Variants in ZNF536 observed in about 807,000 individuals in gnomAD.
The protein encoded by ZNF536 is zinc finger protein 536.
In ZNF536, 13 loss-of-function variants were observed where a neutral mutation model predicts 84.5. That is an observed-to-expected ratio of 0.15 (90% confidence interval 0.10 to 0.24). The LOEUF is 0.24. Ranked by LOEUF, ZNF536 falls within the 10% of genes least tolerant of loss-of-function variation. The pLI, the probability that ZNF536 is intolerant of heterozygous loss-of-function variation, is 1.00. For missense variants in ZNF536, 1,536 were observed against 1,747.5 expected (o/e 0.88, Z 2.16); for synonymous variants, 811 against 742.5 (o/e 1.09, Z -1.50).
intron 1 of ZNF536, among the ~76,000 whole-genome samples, chr19:30,280,102 A>G (rs2045384984): frequency 1.3e-5 from 2 of 151,934 alleles, no homozygotes; most frequent in African/African-American, 4.8e-5. Flanking sequence ...CTTTCCTCCC[A>G]ACCATCCGCC....
At chr19:30,599,487 C>T (rs145657842) in intron 1 of ZNF536, among the ~76,000 whole-genome samples, 394 of 15,456 alleles carry the variant, frequency 0.025, 5 homozygotes, top group African/African-American at 0.067. Flanking sequence ...TCCTTCCCTC[C>T]TTCCTTCCTT....
intron 2 of ZNF536, among the ~76,000 whole-genome samples, chr19:30,450,978 C>A (rs893812327): frequency 6.6e-6 from 1 of 152,244 alleles, no homozygotes; most frequent in Non-Finnish European, 1.5e-5. Flanking sequence ...CGGTCTCTGC[C>A]GTGGAAGCGT....
intron 2 of ZNF536, among the ~76,000 whole-genome samples, chr19:30,465,139 C>A (rs895642772): frequency 6.6e-6 from 1 of 152,158 alleles, no homozygotes; most frequent in African/African-American, 2.4e-5. Flanking sequence ...ACCTCCCACT[C>A]TCCCTGGTCT....
At chr19:30,529,600 A>G (rs1190792107) in intron 2 of ZNF536, among the ~76,000 whole-genome samples, 1 of 152,246 alleles carries the variant, frequency 6.6e-6, no homozygotes, top group Non-Finnish European at 1.5e-5. Flanking sequence ...TCGGAGGATA[A>G]GAACAAGCGA....
At chr19:30,254,657 A>G (rs1019098416) in intron 1 of ZNF536, among the ~76,000 whole-genome samples, 1 of 151,274 alleles carries the variant, frequency 6.6e-6, no homozygotes, top group African/African-American at 2.4e-5. Flanking sequence ...AAAATGTGAC[A>G]TTTGTTTTAG....
chr19:30,592,009 C>A (rs1161192632), intron 1 of ZNF536, among the ~76,000 whole-genome samples: 6 of 152,162 alleles, frequency 3.9e-5, no homozygotes, highest in Admixed American at 3.3e-4. Context: ...TTGCAACTAA[C>A]CTGCCTTGTT....
chr19:30,382,364 G>A (rs2049054320), intron 1 of ZNF536, among the ~76,000 whole-genome samples: 1 of 152,128 alleles, frequency 6.6e-6, no homozygotes. Context: ...TGCCTCCCGT[G>A]CTTTTTCTCC....
Position 30,383,720 on chromosome 19 carries a change from TTTCTTTC to T in ZNF536, c.-3+11167_-3+11173del. 5.3e-5 allele frequency among the ~76,000 whole-genome samples: 2 copies of T among 37,404 alleles called. 1 individual carries two copies. Among genetic ancestry groups the T allele is most frequent in the South Asian group, 2.0e-3 (2 of 990 alleles). 24.5% of individuals were successfully genotyped at this position (37,404 alleles called of 152,430 possible). A position where few individuals can be genotyped will look rare whatever the true frequency, so the allele number is the denominator to read the frequency against. On this transcript the variant is annotated intron_variant, in intron 1 of 4. Coordinates refer to ENST00000355537, the MANE Select transcript of ZNF536 (RefSeq NM_014717.3). Reference sequence around the variant, plus strand: ...TTCTTTCTCTTTCTTTCTTTCTTTCTTTCTTTCTTTCTTTCTTTCTTTCTCTTTCTTT... The same window carrying T: ...TTCTTTCTCTTTCTTTCTTTCTTTCTTTTCTTTCTTTCTTTCTCTTTCTTT...
upstream of ZNF536, among the ~76,000 whole-genome samples, chr19:30,368,284 T>C (rs2048502929): frequency 6.6e-6 from 1 of 152,236 alleles, no homozygotes; most frequent in Non-Finnish European, 1.5e-5. Context: ...CTCCTTAGCG[T>C]ATCTTCTTTT....
intron 2 of ZNF536, among the ~76,000 whole-genome samples, chr19:30,336,419 G>A (rs2047386517): frequency 6.6e-6 from 1 of 152,234 alleles, no homozygotes; most frequent in Non-Finnish European, 1.5e-5. Flanking sequence ...AGGACAAGGG[G>A]AAGGACAGCG....
At chr19:30,297,913 CT>C (rs369943718) in intron 2 of ZNF536, among the ~76,000 whole-genome samples, 3,195 of 141,652 alleles carry the variant, frequency 0.023, 200 homozygotes, top group Admixed American at 0.12. Flanking sequence ...TCCCCCCCCC[CT>C]CTGTCGCCCA....
chr19:30,302,774 AACCC>A (rs2046225610), intron 2 of ZNF536, among the ~76,000 whole-genome samples: 1 of 151,910 alleles, frequency 6.6e-6, no homozygotes, highest in Non-Finnish European at 1.5e-5. Flanking sequence ...CCTCCAGATA[AACCC>A]CTCAACTGCC....
At chr19:30,538,369 C>T (rs1455029606) in intron 3 of ZNF536, among the ~76,000 whole-genome samples, 1 of 152,198 alleles carries the variant, frequency 6.6e-6, no homozygotes, top group African/African-American at 2.4e-5. Context: ...GGCACCTTCT[C>T]TGTATTTTTT....
chr19:30,546,486 A>T (rs866459608), intron 3 of ZNF536, among the ~76,000 whole-genome samples: 1 of 152,204 alleles, frequency 6.6e-6, no homozygotes, highest in African/African-American at 2.4e-5. Context: ...CGGTTCTGGC[A>T]CGTGATCTGG....
intron 1 of ZNF536, among the ~76,000 whole-genome samples, chr19:30,694,735 A>G (rs182928119): frequency 2.4e-4 from 37 of 152,288 alleles, no homozygotes; most frequent in Non-Finnish European, 4.7e-4. Context: ...GCTTGTAACC[A>G]CTAGGAGGGT....
At chr19:30,413,945 T>C (rs762020464) in intron 1 of ZNF536, among the ~76,000 whole-genome samples, 3 of 151,786 alleles carry the variant, frequency 2.0e-5, no homozygotes, top group Non-Finnish European at 2.9e-5. Context: ...TACAAAAAAT[T>C]AGCTAGGCGT....
At chr19:30,413,362 A>G (rs905078591) in intron 1 of ZNF536, among the ~76,000 whole-genome samples, 12 of 152,178 alleles carry the variant, frequency 7.9e-5, no homozygotes, top group African/African-American at 2.9e-4. Flanking sequence ...TAAAGGTTAT[A>G]AAGTCTCATT....
chr19:30,456,283 C>G (rs1302415469), intron 2 of ZNF536, among the ~76,000 whole-genome samples: 1 of 148,644 alleles, frequency 6.7e-6, no homozygotes, highest in African/African-American at 2.5e-5. Flanking sequence ...ATCTCTGATT[C>G]GTGAACACGG....
chr19:30,698,731 T>C (rs1020772694), intron 1 of ZNF536, among the ~76,000 whole-genome samples: 1 of 152,234 alleles, frequency 6.6e-6, no homozygotes, highest in African/African-American at 2.4e-5. Context: ...GACCTTGGTC[T>C]GCTGGCTGAG....
Sources: allele counts gnomAD v4.1 joint callset (sites outside exome capture counted in the v4.1 genomes callset), GRCh38; gene constraint gnomAD v4.1.1; transcripts MANE v1.5; gene names NCBI Gene and HGNC (gene_info 2026-07-23, HGNC 2026-07-21).